The following HEXA variants were observed in gnomAD, a reference collection of about 807,000 sequenced individuals.
HEXA encodes the protein hexosaminidase subunit alpha.
Under a neutral mutation model 73.3 loss-of-function variants are expected in HEXA, and 54 were observed. The observed-to-expected ratio is 0.74, with a 90% confidence interval of 0.59 to 0.92. HEXA has a LOEUF of 0.92. Among genes scored for constraint, HEXA ranks in the 40% least tolerant of loss-of-function variants. The probability of loss-of-function intolerance (pLI) is 0.00; values close to 1 mark genes in which losing one functional copy is unlikely to be tolerated. For missense variants in HEXA, 649 were observed against 653.0 expected (o/e 0.99, Z 0.07); for synonymous variants, 230 against 246.9 (o/e 0.93, Z 0.64).
At chr15:72,355,048 T>C (rs867595757) in intron 3 of HEXA, 12 of 187,876 alleles carry the variant, frequency 6.4e-5, no homozygotes, top group Middle Eastern at 5.2e-3. Context: ...GGTAGCATCA[T>C]TCCCCCTGCC....
intron 1 of HEXA, 43 bp downstream of exon 1, chr15:72,375,677 C>T: frequency 6.2e-7 from 1 of 1,611,716 alleles, no homozygotes; most frequent in South Asian, 1.1e-5. Flanking sequence ...CCCAGGCAGG[C>T]ACTCTCAGGG....
chr15:72,346,801 T>C (rs1418364289), intron 10 of HEXA, 91 bp from the exon 11 acceptor site: 12 of 1,190,998 alleles, frequency 1.0e-5, no homozygotes, highest in African/African-American at 4.5e-5. Flanking sequence ...ACAACAGGTA[T>C]GTGCTCCCTC....
At chr15:72,346,365 G>A in intron 11 of HEXA, 40 bp from the exon 12 acceptor site, 1 of 1,562,932 alleles carries the variant, frequency 6.4e-7, no homozygotes, top group Non-Finnish European at 8.8e-7. Context: ...TGATGGTGGG[G>A]TAACTCCAGG....
chr15:72,362,914 G>A (rs1262971681), intron 1 of HEXA, among the ~76,000 whole-genome samples: 1 of 152,082 alleles, frequency 6.6e-6, no homozygotes, highest in Non-Finnish European at 1.5e-5. Context: ...CATTGGTTTC[G>A]GTTATAAAGT....
chr15:72,349,667 A>C (rs573198164), intron 7 of HEXA, among the ~76,000 whole-genome samples: 4 of 152,320 alleles, frequency 2.6e-5, no homozygotes, highest in South Asian at 4.1e-4. Context: ...CATCACCCAG[A>C]ATCTTTTTAC....
intron 9 of HEXA, 129 bp from the exon 10 acceptor site, chr15:72,347,887 G>C (rs1446608670): frequency 9.6e-7 from 1 of 1,040,012 alleles, no homozygotes; most frequent in Non-Finnish European, 1.5e-6. Flanking sequence ...CTTTCCCCTG[G>C]GCTGAAAACC....
chr15:72,350,044 A>G (rs2088674945), intron 7 of HEXA, among the ~76,000 whole-genome samples: 1 of 152,126 alleles, frequency 6.6e-6, no homozygotes, highest in South Asian at 2.1e-4. Context: ...GATTACAGAC[A>G]TGAGCCACCA....
intron 1 of HEXA, among the ~76,000 whole-genome samples, chr15:72,365,373 A>G (rs2088903555): frequency 1.3e-5 from 2 of 152,228 alleles, no homozygotes; most frequent in South Asian, 2.1e-4. Context: ...TGCTGGGACT[A>G]CAGGCGTGAG....
intron 1 of HEXA, chr15:72,362,363 T>TATG: frequency 4.6e-6 from 2 of 439,166 alleles, no homozygotes; most frequent in East Asian, 1.4e-4. Flanking sequence ...TGTTTATTTG[T>TATG]CTATCTCCTC....
At position 72,343,854 on chromosome 15, in the gene HEXA, C is replaced by T; in HGVS notation, c.*223G>A. 3.9e-6 allele frequency: 2 copies of T among 514,518 alleles called. No homozygotes were observed. Among genetic ancestry groups the T allele is most frequent in the South Asian group, 4.0e-5 (2 of 50,172 alleles). The allele number at this position is 514,518 out of a possible 1,614,324, so 31.9% of individuals were successfully genotyped here. On this transcript the variant is annotated 3_prime_UTR_variant, in exon 14 of 14. Transcript: ENST00000268097. ...TGTGCCCTTACCCTAACGCCATTCA[C>T]ACTTTTTTTTTTAAACACAGGTAAT...
rs1366173591 is a variant in HEXA at position 72,345,563 on chromosome 15, G to T, written c.1422-13C>A. ...CCCTGCTCTGGGCCTGGAGGAAAAG[G>T]GGCATGTGCCAGATTGGGCCCTGTA... On this transcript the variant is annotated splice_polypyrimidine_tract_variant and intron_variant, in intron 12 of 13. Coordinates refer to ENST00000268097, the MANE Select transcript of HEXA (RefSeq NM_000520.6). 6.2e-7 allele frequency: 1 copy of T among 1,613,858 alleles called. No individual in the cohort carries two copies. Among genetic ancestry groups the T allele is most frequent in the Non-Finnish European group, 8.5e-7 (1 of 1,179,992 alleles).
rs117879817 is a variant in HEXA, at chr15:72,350,866, G to A, written c.673-216C>T. 581 of 631,402 alleles carry A rather than the reference G, an allele frequency of 9.2e-4. 2 individuals carry two copies. The highest frequency in any genetic ancestry group is 1.4e-3 in the Non-Finnish European group (511 of 353,542). 39.1% of individuals were successfully genotyped at this position (631,402 alleles called of 1,614,324 possible). A position where few individuals can be genotyped will look rare whatever the true frequency, so the allele number is the denominator to read the frequency against. ...TAATGCCAGTGAGATAATCATGGTA[G>A]GTATTAATACTATGTCCATTTAACA... On this transcript the variant is annotated intron_variant, in intron 6 of 13. Transcript: ENST00000268097.
At chr15:72,355,100 A>G (rs10220850) in intron 3 of HEXA, 19,771 of 237,208 alleles carry the variant, frequency 0.083, 2,309 homozygotes, top group African/African-American at 0.31. Context: ...ACATCAGCCC[A>G]CAGACTCTCC....
At chr15:72,345,681 T>A (rs1418196343) in intron 12 of HEXA, 131 bp from the exon 13 acceptor site, 1 of 1,481,602 alleles carries the variant, frequency 6.7e-7, no homozygotes, top group Non-Finnish European at 9.1e-7. Context: ...CAATACCTTG[T>A]TATGAGCCAC....
At chr15:72,361,952 CAG>C (rs1417627641) in intron 1 of HEXA, among the ~76,000 whole-genome samples, 1 of 152,196 alleles carries the variant, frequency 6.6e-6, no homozygotes, top group African/African-American at 2.4e-5. Context: ...CTACTATCCT[CAG>C]AGATATTAGA....
At position 72,353,152 on chromosome 15, in the gene HEXA, C is replaced by A. The variant is rs1332907054; in HGVS notation, c.486G>T (p.Glu162Asp). The A allele has an allele frequency of 6.2e-7, 1 of 1,612,424 alleles. No homozygotes were observed. Among genetic ancestry groups the A allele is most frequent in the East Asian group, 2.2e-5 (1 of 44,874 alleles). ...GTFFINKTEI[E>D]DFPRFPHRGL... ...CCCGGTGAGGAAAGCGGGGAAAGTC[C>A]TCAATCTCAGTCTTGTTGATAAAGA... Residue 162 changes from glutamate (E) to aspartate (D), a missense_variant, in exon 5 of 14, where the codon GAG (glutamate) becomes GAT (aspartate). Coordinates refer to ENST00000268097, the MANE Select transcript of HEXA (RefSeq NM_000520.6).
Position 72,348,102 on chromosome 15 carries a change from C to T in HEXA, c.1019G>A (p.Arg340Lys), listed in dbSNP as rs1297553035. 1.9e-6 allele frequency: 3 copies of T among 1,613,372 alleles called. No individual in the cohort carries two copies. The African/African-American group carries it at 4.0e-5, about 22-fold the overall frequency. The change falls in exon 9 of 14, where the codon AGG becomes AAG. Residue 340 changes from arginine (R) to lysine (K), a missense_variant. Coordinates refer to ENST00000268097, the MANE Select transcript of HEXA (RefSeq NM_000520.6). ...GAAGTCCTCACCGAAGCCTTTCTTCCTCATAAAGTCCTGGATCTCTGGGTT... is the reference window on the plus strand; with the variant it reads ...GAAGTCCTCACCGAAGCCTTTCTTCTTCATAAAGTCCTGGATCTCTGGGTT... Reference protein sequence around the residue: ...KSNPEIQDFMRKKGFGEDFKQ... With the variant: ...KSNPEIQDFMKKKGFGEDFKQ...
In HEXA at chr15:72,348,044, T is replaced by C. The variant is rs780502991; in HGVS notation, c.1073+4A>G. 7 of 1,581,710 alleles carry C rather than the reference T, an allele frequency of 4.4e-6. No homozygotes were observed. The African/African-American group carries it at 6.7e-5, about 15-fold the overall frequency. On this transcript the variant is annotated splice_donor_region_variant and intron_variant, in intron 9 of 13. Coordinates refer to ENST00000268097, the MANE Select transcript of HEXA (RefSeq NM_000520.6). ...GACCCCACCCACCCTCCTTCCTTCC[T>C]CACGTCTGGATGTAGAAGGACTCCA...
At position 72,343,971 on chromosome 15, in the gene HEXA, G is replaced by T; in HGVS notation, c.*106C>A. 2.2e-6 allele frequency: 2 copies of T among 917,868 alleles called. No individual in the cohort carries two copies. Among genetic ancestry groups the T allele is most frequent in the South Asian group, 1.3e-5 (1 of 75,522 alleles). 56.9% of individuals were successfully genotyped at this position (917,868 alleles called of 1,614,324 possible). ...TCTCTCCAAGCACAGGGGCACGCAG[G>T]CAAGGGGCACGAAGGCAAGGGGCTC... On this transcript the variant is annotated 3_prime_UTR_variant, in exon 14 of 14. Coordinates refer to ENST00000268097, the MANE Select transcript of HEXA (RefSeq NM_000520.6).
Sources: allele counts gnomAD v4.1 joint callset (sites outside exome capture counted in the v4.1 genomes callset), GRCh38; gene constraint gnomAD v4.1.1; transcripts MANE v1.5; gene names NCBI Gene and HGNC (gene_info 2026-07-23, HGNC 2026-07-21).